The following PTBP3 variants were observed in gnomAD, a reference collection of about 807,000 sequenced individuals.
PTBP3 encodes the protein polypyrimidine tract binding protein 3.
A neutral mutation model predicts 58.7 loss-of-function variants in PTBP3; 20 were observed. The ratio of observed to expected loss-of-function variants is 0.34; its 90% CI spans 0.24 to 0.50. PTBP3 has a LOEUF of 0.50. PTBP3 is among the 20% of genes least tolerant of loss of function. The probability of loss-of-function intolerance (pLI) is 0.98; values close to 1 mark genes in which losing one functional copy is unlikely to be tolerated. For missense variants in PTBP3, 509 were observed against 637.2 expected, an observed-to-expected ratio of 0.80 and a Z score of 2.17; for synonymous variants, 185 against 219.8, an observed-to-expected ratio of 0.84 and a Z score of 1.40.
intron 4 of PTBP3, among the ~76,000 whole-genome samples, chr9:112,265,153 T>C (rs1046082696): frequency 2.4e-5 from 3 of 124,964 alleles, no homozygotes; most frequent in Non-Finnish European, 4.8e-5. Flanking sequence ...GCAAGATATA[T>C]TAATCAGTTA....
chr9:112,227,256 T>C (rs1188641561), intron 12 of PTBP3, among the ~76,000 whole-genome samples, 155 bp downstream of exon 12: 2 of 152,196 alleles, frequency 1.3e-5, no homozygotes, highest in East Asian at 3.8e-4. Flanking sequence ...GGAGATAACC[T>C]TCTGAAGGCA....
At chr9:112,347,177 A>T in the PTBP3 span, among the ~76,000 whole-genome samples, 1 of 152,212 alleles carries the variant, frequency 6.6e-6, no homozygotes, top group African/African-American at 2.4e-5. Context: ...ATTGCAATAT[A>T]TAAATAACCT....
At chr9:112,371,008 GT>G in the PTBP3 span, among the ~76,000 whole-genome samples, 1,895 of 151,298 alleles carry the variant, frequency 0.013, 48 homozygotes, top group African/African-American at 0.044. Flanking sequence ...AGCTCTAGTA[GT>G]TTTTTTTTGT....
rs1174863437 is a variant in PTBP3 at position 112,310,114 on chromosome 9, G to C, written c.-51-12198C>G. 2.0e-5 allele frequency among the ~76,000 whole-genome samples: 3 copies of C among 152,162 alleles called. No homozygotes were observed. The East Asian group carries it at 5.8e-4, about 29-fold the overall frequency. ...TTCTCTAAAGAATAGTTACCAAATTGTTCATTTGTGACATTTTTATTCCAA... is the reference window on the plus strand; with the variant it reads ...TTCTCTAAAGAATAGTTACCAAATTCTTCATTTGTGACATTTTTATTCCAA... On this transcript the variant is annotated intron_variant, in intron 1 of 13. Coordinates refer to ENST00000374257, the MANE Select transcript of PTBP3 (RefSeq NM_001163788.4).
At chr9:112,356,789 C>T in the PTBP3 span, among the ~76,000 whole-genome samples, 1 of 39,654 alleles carries the variant, frequency 2.5e-5, no homozygotes, top group Non-Finnish European at 4.7e-5. Flanking sequence ...GAGACAATTG[C>T]GTGTGCGCAC....
chr9:112,249,024 T>G (rs1333452364), intron 7 of PTBP3, among the ~76,000 whole-genome samples: 1 of 152,148 alleles, frequency 6.6e-6, no homozygotes, highest in East Asian at 1.9e-4. Context: ...CCAGCATGAG[T>G]CCATTTATGT....
chr9:112,227,737 A>T (rs1835046565), intron 11 of PTBP3, 110 bp from the exon 12 acceptor site: 1 of 860,310 alleles, frequency 1.2e-6, no homozygotes, highest in East Asian at 2.7e-5. Flanking sequence ...AAACTGTATT[A>T]TCAGTTTGAG....
intron 2 of PTBP3, 92 bp from the exon 3 acceptor site, chr9:112,276,105 G>A: frequency 1.6e-6 from 2 of 1,250,718 alleles, no homozygotes; most frequent in South Asian, 1.4e-5. Flanking sequence ...TCCTAAATGA[G>A]TTTTGGGTTT....
intron 5 of PTBP3, 92 bp from the exon 6 acceptor site, chr9:112,252,880 A>G: frequency 1.3e-6 from 1 of 793,686 alleles, no homozygotes; most frequent in Non-Finnish European, 2.0e-6. Context: ...ATCCTTTTAA[A>G]TGAAAATTTT....
At chr9:112,248,987 C>G (rs1380544323) in intron 7 of PTBP3, among the ~76,000 whole-genome samples, 1 of 152,082 alleles carries the variant, frequency 6.6e-6, no homozygotes, top group Non-Finnish European at 1.5e-5. Flanking sequence ...CAAAGACATA[C>G]AGGGCAAATA....
At chr9:112,371,646 ATT>A in the PTBP3 span, among the ~76,000 whole-genome samples, 3 of 127,546 alleles carry the variant, frequency 2.4e-5, no homozygotes, top group Admixed American at 8.3e-5. Flanking sequence ...TTTTTAGTAG[ATT>A]TTTTTTTTTT....
At position 112,223,679 on chromosome 9, in the gene PTBP3, G is replaced by A; in HGVS notation, c.*172C>T. ...GGAAAAGAAACCTTTGACTGGCGGGGGCAGGGGGAATACAAAAAAAAAAAA... is the reference window on the plus strand; with the variant it reads ...GGAAAAGAAACCTTTGACTGGCGGGAGCAGGGGGAATACAAAAAAAAAAAA... On this transcript the variant is annotated 3_prime_UTR_variant, in exon 14 of 14. Transcript: ENST00000374257. The A allele has an allele frequency of 1.5e-6, 2 of 1,345,294 alleles. No individual in the cohort carries two copies. Among genetic ancestry groups the A allele is most frequent in the Non-Finnish European group, 1.9e-6 (2 of 1,048,796 alleles). 83.3% of individuals were successfully genotyped at this position (1,345,294 alleles called of 1,614,324 possible). A position where few individuals can be genotyped will look rare whatever the true frequency, so the allele number is the denominator to read the frequency against.
At chr9:112,264,967 A>C (rs1589839798) in intron 4 of PTBP3, among the ~76,000 whole-genome samples, 1 of 152,234 alleles carries the variant, frequency 6.6e-6, no homozygotes, top group East Asian at 1.9e-4. Context: ...ACTCTACTGA[A>C]AGACATAAAA....
chr9:112,257,108 TCC>T (rs1327967771), intron 5 of PTBP3, among the ~76,000 whole-genome samples: 9 of 152,196 alleles, frequency 5.9e-5, no homozygotes, highest in Non-Finnish European at 1.2e-4. Flanking sequence ...CTAAAGCACA[TCC>T]TGGGACAGCT....
chr9:112,270,040 G>A (rs1395334393), intron 3 of PTBP3, among the ~76,000 whole-genome samples: 4 of 151,832 alleles, frequency 2.6e-5, no homozygotes, highest in Admixed American at 6.6e-5. Flanking sequence ...CGTCTCCTGG[G>A]TTCAAATGAT....
intron 5 of PTBP3, among the ~76,000 whole-genome samples, chr9:112,253,499 G>A (rs1322121851): frequency 6.6e-6 from 1 of 152,068 alleles, no homozygotes; most frequent in African/African-American, 2.4e-5. Context: ...TTCACGGCCA[G>A]GGTTACTATT....
intron 1 of PTBP3, among the ~76,000 whole-genome samples, chr9:112,325,227 C>T (rs910838744): frequency 6.6e-5 from 10 of 152,222 alleles, no homozygotes; most frequent in Non-Finnish European, 1.2e-4. Context: ...GCACAGGAGG[C>T]TTGCCTAAAT....
intron 1 of PTBP3, chr9:112,333,129 G>T (rs1830447242): frequency 8.0e-7 from 1 of 1,249,118 alleles, no homozygotes; most frequent in Non-Finnish European, 1.0e-6. Flanking sequence ...GTGTCGGGAG[G>T]CCGAGCTGGG....
intron 7 of PTBP3, among the ~76,000 whole-genome samples, chr9:112,249,038 G>A (rs960845945): frequency 2.0e-5 from 3 of 152,122 alleles, no homozygotes; most frequent in African/African-American, 7.2e-5. Flanking sequence ...TTTATGTAAG[G>A]TTCTAAATAC....
Sources: allele counts gnomAD v4.1 joint callset (sites outside exome capture counted in the v4.1 genomes callset), GRCh38; gene constraint gnomAD v4.1.1; transcripts MANE v1.5; gene names NCBI Gene and HGNC (gene_info 2026-07-23, HGNC 2026-07-21).